Variants in KDM4C observed in about 807,000 individuals in gnomAD.
KDM4C encodes the protein lysine-specific demethylase 4C.
Under a neutral mutation model 129.3 loss-of-function variants are expected in KDM4C, and 81 were observed. The observed-to-expected ratio is 0.63, with a 90% confidence interval of 0.52 to 0.75. KDM4C has a LOEUF of 0.75. Ranked by LOEUF, KDM4C falls within the 30% of genes least tolerant of loss-of-function variation. The probability of loss-of-function intolerance (pLI) is 0.00; values close to 1 mark genes in which losing one functional copy is unlikely to be tolerated. For synonymous variants in KDM4C, 573 were observed against 456.1 expected (o/e 1.26, Z -3.26); for missense variants, 1,457 against 1,304.0 (o/e 1.12, Z -1.81).
intron 4 of KDM4C, among the ~76,000 whole-genome samples, chr9:6,820,675 G>A (rs946191928): frequency 6.6e-6 from 1 of 151,264 alleles, no homozygotes; most frequent in African/African-American, 2.4e-5. Flanking sequence ...AGAGGGCCTG[G>A]AAATCCCCTG....
intron 19 of KDM4C, among the ~76,000 whole-genome samples, chr9:7,143,698 T>C (rs1466761799): frequency 1.3e-5 from 2 of 152,208 alleles, no homozygotes; most frequent in African/African-American, 4.8e-5. Context: ...TTTGACAGGT[T>C]TTCAACAACA....
chr9:6,916,008 G>A (rs371203604), intron 8 of KDM4C, among the ~76,000 whole-genome samples: 1 of 152,292 alleles, frequency 6.6e-6, no homozygotes, highest in South Asian at 2.1e-4. Context: ...TTCCAACATG[G>A]CATGAATTTG....
chr9:6,989,409 T>C (rs1818333195), intron 11 of KDM4C, among the ~76,000 whole-genome samples: 1 of 152,146 alleles, frequency 6.6e-6, no homozygotes, highest in African/African-American at 2.4e-5. Context: ...AATTTTGCGT[T>C]GTGCGAGCAA....
chr9:7,096,958 A>T (rs1023845139), intron 17 of KDM4C, among the ~76,000 whole-genome samples: 1 of 152,176 alleles, frequency 6.6e-6, no homozygotes, highest in Non-Finnish European at 1.5e-5. Context: ...GCCTTTCAGG[A>T]TCCCACCTTT....
At chr9:7,030,628 T>A (rs888558195) in intron 15 of KDM4C, among the ~76,000 whole-genome samples, 1 of 152,194 alleles carries the variant, frequency 6.6e-6, no homozygotes, top group Non-Finnish European at 1.5e-5. Context: ...CTATAAAAAA[T>A]AAAGTCTAAT....
chr9:6,949,163 C>G (rs10975927), intron 8 of KDM4C, among the ~76,000 whole-genome samples: 5,784 of 151,290 alleles, frequency 0.038, 155 homozygotes, highest in Middle Eastern at 0.11. Context: ...CTCCTCACTT[C>G]TTAGACGGGG....
intron 8 of KDM4C, among the ~76,000 whole-genome samples, chr9:6,931,143 T>C (rs376513977): frequency 1.2e-4 from 18 of 147,350 alleles, no homozygotes; most frequent in African/African-American, 4.0e-4. Flanking sequence ...ACAAACACAC[T>C]TTATGTCTTG....
chr9:7,116,258 C>A (rs7019191), intron 18 of KDM4C, among the ~76,000 whole-genome samples: 2 of 152,100 alleles, frequency 1.3e-5, no homozygotes, highest in Admixed American at 1.3e-4. Flanking sequence ...GTTTGTTCAC[C>A]TTTCCCCATA....
intron 9 of KDM4C, among the ~76,000 whole-genome samples, chr9:6,983,140 C>T (rs1316940633): frequency 6.6e-6 from 1 of 152,146 alleles, no homozygotes; most frequent in Non-Finnish European, 1.5e-5. Flanking sequence ...CAGTTACTGC[C>T]ATCAGTAGCA....
intron 8 of KDM4C, among the ~76,000 whole-genome samples, chr9:6,963,820 T>C (rs957333219): frequency 6.6e-6 from 1 of 152,226 alleles, no homozygotes; most frequent in Admixed American, 6.5e-5. Flanking sequence ...TTCTACTTGA[T>C]GGTGTTTCCG....
rs201368259 is a variant in KDM4C, at chr9:7,156,884, G to C, written c.2782-8354G>C. Among the ~76,000 whole-genome samples the C allele has an allele frequency of 3.9e-4, 60 of 152,258 alleles. No homozygotes were observed. In the East Asian group the frequency reaches 8.9e-3, roughly 23 times the overall value. On this transcript the variant is annotated intron_variant, in intron 19 of 21. Coordinates refer to ENST00000381309, the MANE Select transcript of KDM4C (RefSeq NM_015061.6). ...CTTTAAAGTAGTTTTTTCCAATTCT[G>C]TGAAGAAAGTCATTGGTAGCTTGAT... is the stretch of plus-strand genomic sequence containing the variant.
At chr9:6,795,729 T>C (rs1471979615) in intron 2 of KDM4C, among the ~76,000 whole-genome samples, 1 of 151,658 alleles carries the variant, frequency 6.6e-6, no homozygotes, top group East Asian at 2.0e-4. Flanking sequence ...TGGAGTGCAG[T>C]GGCATGATAT....
chr9:6,908,185 G>A (rs1460379916), intron 8 of KDM4C, among the ~76,000 whole-genome samples: 1 of 152,156 alleles, frequency 6.6e-6, no homozygotes, highest in East Asian at 1.9e-4. Context: ...TACATTAGTT[G>A]TTTCTTAAAT....
intron 15 of KDM4C, among the ~76,000 whole-genome samples, chr9:7,033,441 T>C (rs1011969194): frequency 6.6e-6 from 1 of 152,166 alleles, no homozygotes; most frequent in South Asian, 2.1e-4. Flanking sequence ...GGCAGATTAT[T>C]CTGAATTGCT....
intron 19 of KDM4C, among the ~76,000 whole-genome samples, chr9:7,144,904 A>C (rs1054270954): frequency 2.0e-5 from 3 of 152,240 alleles, no homozygotes; most frequent in Non-Finnish European, 4.4e-5. Context: ...AGGCACCGTG[A>C]TGTCTTTGCA....
chr9:7,071,518 C>G (rs976509079), intron 17 of KDM4C, among the ~76,000 whole-genome samples: 2 of 151,984 alleles, frequency 1.3e-5, no homozygotes, highest in African/African-American at 4.8e-5. Flanking sequence ...AGTAAAAGTT[C>G]CAAGGCAATT....
intron 3 of KDM4C, among the ~76,000 whole-genome samples, chr9:6,813,012 C>T (rs1347517685): frequency 1.3e-5 from 2 of 152,080 alleles, no homozygotes; most frequent in East Asian, 3.9e-4. Flanking sequence ...CCCGTCTCTA[C>T]TAAAAATACA....
chr9:6,774,953 A>G (rs148538852), intron 1 of KDM4C, among the ~76,000 whole-genome samples: 9 of 152,292 alleles, frequency 5.9e-5, no homozygotes, highest in African/African-American at 1.7e-4. Context: ...ATTTGATTTC[A>G]GATTTGTGAA....
chr9:6,962,174 T>C (rs1830155278), intron 8 of KDM4C, among the ~76,000 whole-genome samples: 1 of 152,184 alleles, frequency 6.6e-6, no homozygotes, highest in Admixed American at 6.6e-5. Context: ...TAGGCATGTA[T>C]GTACACATTT....
Sources: gnomAD v4.1 joint callset for allele counts (sites outside exome capture counted in the v4.1 genomes callset) on GRCh38, gnomAD v4.1.1 for gene constraint, MANE v1.5 for transcripts, NCBI Gene and HGNC (gene_info 2026-07-23, HGNC 2026-07-21) for gene names.